The following DOCK1 variants were observed in gnomAD, a reference collection of about 807,000 sequenced individuals.
DOCK1 encodes the protein dedicator of cytokinesis 1.
A neutral mutation model predicts 262.7 loss-of-function variants in DOCK1; 138 were observed. That is an observed-to-expected ratio of 0.53 (90% CI 0.46 to 0.61). The LOEUF is 0.61. Among genes scored for constraint, DOCK1 ranks in the 20% least tolerant of loss-of-function variants. The probability of loss-of-function intolerance (pLI) is 0.00; values close to 1 mark genes in which losing one functional copy is unlikely to be tolerated. For missense variants in DOCK1, 1,908 were observed against 2,370.7 expected (o/e 0.80, Z 4.05); for synonymous variants, 866 against 867.4 (o/e 1.00, Z 0.03).
At chr10:127,077,828 C>T (rs550121664) in intron 23 of DOCK1, among the ~76,000 whole-genome samples, 1 of 151,272 alleles carries the variant, frequency 6.6e-6, no homozygotes, top group African/African-American at 2.4e-5. Context: ...GTTAAGGCCT[C>T]CTCAGAGCAG....
intron 50 of DOCK1, among the ~76,000 whole-genome samples, chr10:127,445,634 T>TATC (rs1283044936): frequency 6.6e-6 from 1 of 152,230 alleles, no homozygotes; most frequent in African/African-American, 2.4e-5. Flanking sequence ...AAACCTATAA[T>TATC]ATCAACTGGC....
At chr10:127,393,580 G>A (rs2134220270) in intron 38 of DOCK1, among the ~76,000 whole-genome samples, 1 of 152,226 alleles carries the variant, frequency 6.6e-6, no homozygotes, top group African/African-American at 2.4e-5. Context: ...CCCCGGGAGA[G>A]TGGGCGGGGG....
chr10:127,116,638 C>A (rs2049199085), intron 25 of DOCK1, among the ~76,000 whole-genome samples: 2 of 152,176 alleles, frequency 1.3e-5, no homozygotes, highest in African/African-American at 4.8e-5. Flanking sequence ...TTGATAAAAG[C>A]ATTTTTGATT....
Position 127,100,236 on chromosome 10 carries a change from G to A in DOCK1, c.2446-5995G>A, listed in dbSNP as rs970620056. Among the ~76,000 whole-genome samples the A allele has an allele frequency of 6.6e-6, 1 of 152,220 alleles. No homozygotes were observed. The highest frequency in any genetic ancestry group is 1.5e-5 in the Non-Finnish European group (1 of 68,028). On this transcript the variant is annotated intron_variant, in intron 23 of 51. Transcript: ENST00000623213. This position sits in a 1 kb window ranked among gnomAD's most constrained non-coding sequence, Gnocchi z 5.5. ...CAGGGAGGGCGGGTAGGAGGCTGTG[G>A]CAGCAAAGCCAATGGGAGGCAGTAG...
At position 126,996,732 on chromosome 10, in the gene DOCK1, ATTC is replaced by A. The variant is rs2040224266; in HGVS notation, c.474-13_474-11del. On this transcript the variant is annotated splice_polypyrimidine_tract_variant and intron_variant, in intron 6 of 51. Transcript: ENST00000623213. ...TGGTCTATGTCTGTGAACTTACTAA[ATTC>A]TTGTTGTTCTAGAATTCTAGATTTG... is the stretch of plus-strand genomic sequence containing the variant. 1 of 1,600,606 alleles carries A rather than the reference ATTC, an allele frequency of 6.2e-7. No individual in the cohort carries two copies. Among genetic ancestry groups the A allele is most frequent in the African/African-American group, 1.4e-5 (1 of 74,034 alleles).
intron 47 of DOCK1, among the ~76,000 whole-genome samples, chr10:127,427,225 G>C (rs1008794863): frequency 3.9e-5 from 6 of 152,200 alleles, no homozygotes; most frequent in South Asian, 2.1e-4. Context: ...CCCGGCAAAA[G>C]GAAGGCGAGC....
chr10:127,441,732 C>G (rs985909529), intron 49 of DOCK1, among the ~76,000 whole-genome samples: 4 of 150,260 alleles, frequency 2.7e-5, no homozygotes, highest in African/African-American at 4.9e-5. Context: ...CTTGCCCTTC[C>G]CCCCTGCGGG....
Position 127,285,400 on chromosome 10 carries a change from A to G in DOCK1, c.3044+27971A>G, listed in dbSNP as rs1377958425. Among the ~76,000 whole-genome samples the G allele has an allele frequency of 2.6e-5, 4 of 152,360 alleles. No homozygotes were observed. In the East Asian group the frequency reaches 5.8e-4, roughly 22 times the overall value. On this transcript the variant is annotated intron_variant, in intron 29 of 51. Coordinates refer to ENST00000623213, the MANE Select transcript of DOCK1 (RefSeq NM_001290223.2). ...GAAGGAAATTATGTTTATTATGGAAAACAGTGAAAGATGAGAAGTAAATGG... is the reference window on the plus strand; with the variant it reads ...GAAGGAAATTATGTTTATTATGGAAGACAGTGAAAGATGAGAAGTAAATGG...
At chr10:127,430,657 C>T (rs1357791236) in intron 47 of DOCK1, among the ~76,000 whole-genome samples, 1 of 151,252 alleles carries the variant, frequency 6.6e-6, no homozygotes, top group Non-Finnish European at 1.5e-5. Flanking sequence ...GTGTCACCCT[C>T]TGTGGATTTC....
intron 43 of DOCK1, among the ~76,000 whole-genome samples, chr10:127,413,917 AT>A (rs368961860): frequency 1.6e-4 from 24 of 149,006 alleles, no homozygotes; most frequent in South Asian, 2.1e-4. Context: ...TTTTCTGAAA[AT>A]TTTTTTTTTT....
intron 20 of DOCK1, 68 bp downstream of exon 20, chr10:127,042,782 T>C (rs1050119358): frequency 6.5e-6 from 10 of 1,534,994 alleles, no homozygotes; most frequent in African/African-American, 1.4e-5. Context: ...CGTCTGAGGC[T>C]GGAGTCGGGG....
At chr10:126,909,069 T>G (rs771010747) in intron 1 of DOCK1, among the ~76,000 whole-genome samples, 6 of 152,164 alleles carry the variant, frequency 3.9e-5, no homozygotes, top group Non-Finnish European at 7.4e-5. Context: ...TTACTTGGAA[T>G]TCGTAGATGG....
At chr10:126,932,344 C>CTAA (rs1385037671) in intron 1 of DOCK1, among the ~76,000 whole-genome samples, 1 of 152,268 alleles carries the variant, frequency 6.6e-6, no homozygotes, top group African/African-American at 2.4e-5. Context: ...CCAGCCTGAG[C>CTAA]AAAATAGTAA....
chr10:127,175,561 A>G lies in DOCK1; in HGVS notation c.2847+47797A>G, dbSNP rs376501105. ...TCGTCATCTGCCGGGCAGAGTGACC[A>G]CTGGCTGGCGGCTGCAGAGTCTGAC... On this transcript the variant is annotated intron_variant, in intron 27 of 51. Transcript: ENST00000623213. The surrounding 1 kb of genome is among the most constrained non-coding windows in gnomAD (Gnocchi z 6.3). 5.0e-6 allele frequency: 8 copies of G among 1,611,800 alleles called. No homozygotes were observed. Among genetic ancestry groups the G allele is most frequent in the East Asian group, 2.2e-5 (1 of 44,876 alleles).
chr10:127,196,768 GCTGCCGC>G (rs2057202151), intron 27 of DOCK1, among the ~76,000 whole-genome samples: 1 of 151,882 alleles, frequency 6.6e-6, no homozygotes, highest in Non-Finnish European at 1.5e-5. Flanking sequence ...GCTGCCGCCG[GCTGCCGC>G]CTGCGCGCGG....
chr10:127,216,157 A>G (rs767030809), intron 27 of DOCK1, among the ~76,000 whole-genome samples: 35 of 152,262 alleles, frequency 2.3e-4, no homozygotes, highest in Non-Finnish European at 3.4e-4. Context: ...AATGTTTTCT[A>G]GAGAGGATGT....
chr10:127,167,955 G>T (rs1336172215), intron 27 of DOCK1, among the ~76,000 whole-genome samples: 1 of 152,282 alleles, frequency 6.6e-6, no homozygotes, highest in Non-Finnish European at 1.5e-5. Context: ...AACCTCAAAG[G>T]TAGTAACTTA....
intron 29 of DOCK1, among the ~76,000 whole-genome samples, chr10:127,288,498 T>C (rs2061237727): frequency 6.6e-6 from 1 of 151,940 alleles, no homozygotes; most frequent in African/African-American, 2.4e-5. Flanking sequence ...CTCTTTTCCC[T>C]GCACCAGGAT....
rs565547054 is a variant in DOCK1 at position 127,403,714 on chromosome 10, G to A, written c.4017+570G>A. Among the ~76,000 whole-genome samples, 342 of 152,266 alleles carry A rather than the reference G, an allele frequency of 2.2e-3. 2 individuals are homozygous for A. Among genetic ancestry groups the A allele is most frequent in the African/African-American group, 7.7e-3 (322 of 41,554 alleles). ...GTGGAAGTTGCAGTGAGCTGAGATC[G>A]CGCCAATGCACTCCAGCCTGGGCAA... is the stretch of plus-strand genomic sequence containing the variant. On this transcript the variant is annotated intron_variant, in intron 39 of 51. Transcript: ENST00000623213.
Sources: gnomAD v4.1 joint callset for allele counts (sites outside exome capture counted in the v4.1 genomes callset) on GRCh38, gnomAD v4.1.1 for gene constraint, Gnocchi (gnomAD v3.1) non-coding constraint, MANE v1.5 for transcripts, NCBI Gene and HGNC (gene_info 2026-07-23, HGNC 2026-07-21) for gene names.